PRKCQ: variants seen among roughly 807,000 people sequenced by gnomAD.
PRKCQ encodes protein kinase C theta.
PRKCQ carries 41 observed loss-of-function variants against 91.2 expected under a neutral mutation model. The ratio of observed to expected loss-of-function variants is 0.45; its 90% CI spans 0.35 to 0.58. PRKCQ has a LOEUF of 0.58. Ranked by LOEUF, PRKCQ falls within the 20% of genes least tolerant of loss-of-function variation. The pLI, the probability that PRKCQ is intolerant of heterozygous loss-of-function variation, is 0.00. For missense variants in PRKCQ, 673 were observed against 896.5 expected (o/e 0.75, Z 3.18); for synonymous variants, 307 against 316.9 (o/e 0.97, Z 0.33).
At chr10:6,491,631 C>G (rs564075003) in intron 8 of PRKCQ, 52 bp downstream of exon 8, 1 of 1,602,676 alleles carries the variant, frequency 6.2e-7, no homozygotes, top group Non-Finnish European at 8.5e-7. Flanking sequence ...AAGCCTTGCT[C>G]CATCCCCTAG....
intron 1 of PRKCQ, among the ~76,000 whole-genome samples, chr10:6,557,665 T>C (rs994743650): frequency 6.6e-6 from 1 of 152,250 alleles, no homozygotes; most frequent in African/African-American, 2.4e-5. Flanking sequence ...TCTTGAACTA[T>C]ACATTCACTT....
At chr10:6,550,298 G>A (rs923263973) in intron 1 of PRKCQ, among the ~76,000 whole-genome samples, 11 of 151,930 alleles carry the variant, frequency 7.2e-5, no homozygotes, top group African/African-American at 2.7e-4. Flanking sequence ...TTCTGAGATG[G>A]AGTCTCACTC....
chr10:6,432,306 G>C (rs139254089), intron 16 of PRKCQ, among the ~76,000 whole-genome samples: 106 of 152,266 alleles, frequency 7.0e-4, no homozygotes, highest in Non-Finnish European at 1.4e-3. Flanking sequence ...CTGAGTACTT[G>C]AAAATCTTCA....
intron 16 of PRKCQ, among the ~76,000 whole-genome samples, chr10:6,438,956 G>A (rs1375785348): frequency 6.6e-6 from 1 of 152,224 alleles, no homozygotes; most frequent in African/African-American, 2.4e-5. Context: ...TATTTGCTGG[G>A]ACAGCTCAGT....
At chr10:6,447,146 C>T (rs1027071973) in intron 15 of PRKCQ, among the ~76,000 whole-genome samples, 11 of 152,136 alleles carry the variant, frequency 7.2e-5, no homozygotes, top group Non-Finnish European at 1.5e-5. Context: ...CAGTGGCTCA[C>T]ACCTGTAATC....
chr10:6,508,125 T>A (rs1838290838), intron 3 of PRKCQ, among the ~76,000 whole-genome samples: 1 of 152,312 alleles, frequency 6.6e-6, no homozygotes, highest in Non-Finnish European at 1.5e-5. Context: ...AGTACTGTAT[T>A]ATTATGTAGA....
intron 15 of PRKCQ, among the ~76,000 whole-genome samples, chr10:6,451,052 C>G (rs898707969): frequency 5.3e-5 from 8 of 151,366 alleles, no homozygotes; most frequent in African/African-American, 1.7e-4. Context: ...CAAAAGCTAG[C>G]AGAAGGCAAG....
intron 1 of PRKCQ, among the ~76,000 whole-genome samples, chr10:6,537,572 A>G (rs1278221084): frequency 6.6e-6 from 1 of 152,186 alleles, no homozygotes; most frequent in Non-Finnish European, 1.5e-5. Flanking sequence ...GAAAGCATTC[A>G]CAGGTCTTTG....
At chr10:6,503,128 G>A (rs1838009367) in intron 4 of PRKCQ, among the ~76,000 whole-genome samples, 1 of 152,194 alleles carries the variant, frequency 6.6e-6, no homozygotes, top group Non-Finnish European at 1.5e-5. Context: ...TGCTGACAAA[G>A]GCTTATCATG....
At chr10:6,467,551 C>A (rs1835756641) in intron 12 of PRKCQ, among the ~76,000 whole-genome samples, 1 of 152,038 alleles carries the variant, frequency 6.6e-6, no homozygotes, top group Non-Finnish European at 1.5e-5. Context: ...GCAAATGATT[C>A]TTTCCGGTGG....
intron 1 of PRKCQ, among the ~76,000 whole-genome samples, chr10:6,550,702 A>T (rs532378543): frequency 2.6e-5 from 4 of 152,236 alleles, no homozygotes; most frequent in Admixed American, 6.5e-5. Context: ...TCTCTTCAAG[A>T]CCCTGCTTTC....
Position 6,497,037 on chromosome 10 carries a change from T to C in PRKCQ, c.658A>G (p.Met220Val), listed in dbSNP as rs768002808. ...CAAAGAGGAGTGTAAATACTCACCATGGTTTCTCGGCTATTGATAGCTGAT... is the reference window on the plus strand; with the variant it reads ...CAAAGAGGAGTGTAAATACTCACCACGGTTTCTCGGCTATTGATAGCTGAT... ...TGSAINSRET[M>V]FHKERFKIDM... Residue 220 changes from methionine to valine, a missense_variant and splice_region_variant, in exon 7 of 18, where the codon ATG becomes GTG. Met to Val is a conservative substitution (Grantham distance 21). Transcript: ENST00000263125. This position sits in a 1 kb window ranked among gnomAD's most constrained non-coding sequence, Gnocchi z 4.5. 3.7e-6 allele frequency: 6 copies of C among 1,611,680 alleles called. No homozygotes were observed. Among genetic ancestry groups the C allele is most frequent in the Middle Eastern group, 2.0e-4 (1 of 4,892 alleles).
chr10:6,421,175 A>G, the PRKCQ span, among the ~76,000 whole-genome samples: 1 of 152,052 alleles, frequency 6.6e-6, no homozygotes, highest in Non-Finnish European at 1.5e-5. This position sits in a 1 kb window ranked among gnomAD's most constrained non-coding sequence, Gnocchi z 4.1. Flanking sequence ...ATACATCCTT[A>G]GTGTTTCTGA....
chr10:6,456,532 T>C (rs1835015837), intron 15 of PRKCQ, 142 bp downstream of exon 15: 2 of 1,034,612 alleles, frequency 1.9e-6, no homozygotes, highest in African/African-American at 1.6e-5. Flanking sequence ...ACATGCATGG[T>C]GGCGTTTATG....
chr10:6,492,428 C>T (rs1837367832), intron 7 of PRKCQ, among the ~76,000 whole-genome samples: 2 of 152,154 alleles, frequency 1.3e-5, no homozygotes, highest in South Asian at 4.1e-4. Context: ...GGTGATATCT[C>T]ACGTAATCCT....
chr10:6,441,156 G>A (rs1232836185), intron 16 of PRKCQ, among the ~76,000 whole-genome samples: 1 of 152,098 alleles, frequency 6.6e-6, no homozygotes, highest in African/African-American at 2.4e-5. Context: ...AGGGGAAGAT[G>A]AACTGGACTG....
intron 7 of PRKCQ, among the ~76,000 whole-genome samples, chr10:6,495,305 C>A (rs6602746): frequency 0.43 from 65,849 of 152,066 alleles, 14,508 homozygotes; most frequent in Middle Eastern, 0.49. Flanking sequence ...GCCTTGGTGC[C>A]TTCCCCAGTG....
chr10:6,465,028 A>AGGCACTTAG lies in PRKCQ; in HGVS notation c.1354-633_1354-625dup, dbSNP rs1245514452. ...GCTGGCCAGACAATGGGATGGTGCC[A>AGGCACTTAG]GGCACTTAGGGCACTTAGCATGTGC... is the stretch of plus-strand genomic sequence containing the variant. On this transcript the variant is annotated intron_variant, in intron 12 of 17. Transcript: ENST00000263125. The surrounding 1 kb of genome is among the most constrained non-coding windows in gnomAD (Gnocchi z 4.4). 2.0e-5 allele frequency among the ~76,000 whole-genome samples: 3 copies of AGGCACTTAG among 152,136 alleles called. No individual in the cohort carries two copies. Among genetic ancestry groups the AGGCACTTAG allele is most frequent in the Non-Finnish European group, 4.4e-5 (3 of 68,036 alleles).
intron 12 of PRKCQ, among the ~76,000 whole-genome samples, chr10:6,478,459 C>A (rs1042050444): frequency 6.6e-6 from 1 of 152,090 alleles, no homozygotes; most frequent in African/African-American, 2.4e-5. Context: ...AACGGCACAG[C>A]CTTCTGGCAA....
Sources: gnomAD v4.1 joint callset for allele counts (sites outside exome capture counted in the v4.1 genomes callset) on GRCh38, gnomAD v4.1.1 for gene constraint, Gnocchi (gnomAD v3.1) non-coding constraint, MANE v1.5 for transcripts, NCBI Gene and HGNC (gene_info 2026-07-23, HGNC 2026-07-21) for gene names.